Variants in WARS2 observed in about 807,000 individuals in gnomAD.
WARS2 encodes tryptophan--tRNA ligase, mitochondrial.
WARS2 carries 28 observed loss-of-function variants against 36.5 expected under a neutral mutation model. The ratio of observed to expected loss-of-function variants is 0.77; its 90% confidence interval spans 0.57 to 1.05. WARS2 has a LOEUF of 1.05. Ranked by LOEUF, WARS2 falls within the 50% of genes least tolerant of loss-of-function variation. The pLI, the probability that WARS2 is intolerant of heterozygous loss-of-function variation, is 0.00. For synonymous variants in WARS2, 174 were observed against 178.4 expected, an observed-to-expected ratio of 0.98 and a Z score of 0.20; for missense variants, 435 against 456.8, an observed-to-expected ratio of 0.95 and a Z score of 0.44.
intron 1 of WARS2, among the ~76,000 whole-genome samples, chr1:119,087,179 T>C (rs1158559325): frequency 6.6e-6 from 1 of 152,178 alleles, no homozygotes; most frequent in Non-Finnish European, 1.5e-5. Context: ...TTTTATTTGC[T>C]CCATAGATAT....
At chr1:119,071,196 T>G (rs1329181850) in intron 2 of WARS2, among the ~76,000 whole-genome samples, 1 of 152,094 alleles carries the variant, frequency 6.6e-6, no homozygotes, top group African/African-American at 2.4e-5. Flanking sequence ...AGATAATATG[T>G]GTTGGCAAAG....
intron 1 of WARS2, among the ~76,000 whole-genome samples, chr1:119,130,281 ACAGT>A (rs1323068281): frequency 1.3e-5 from 2 of 152,260 alleles, no homozygotes; most frequent in African/African-American, 2.4e-5. Flanking sequence ...ATTGAACTAG[ACAGT>A]CCTTTGAGAC....
At chr1:119,113,617 C>T (rs1330416940) in intron 1 of WARS2, among the ~76,000 whole-genome samples, 2 of 152,032 alleles carry the variant, frequency 1.3e-5, no homozygotes, top group African/African-American at 4.8e-5. Flanking sequence ...AAGGAGATGA[C>T]TGAAGATAAG....
intron 1 of WARS2, chr1:119,086,004 G>A: frequency 6.3e-7 from 1 of 1,585,664 alleles, no homozygotes. Flanking sequence ...AGGCAAGGCA[G>A]TGTGGCACAT....
intron 1 of WARS2, among the ~76,000 whole-genome samples, chr1:119,110,465 C>T (rs1654548248): frequency 6.6e-6 from 1 of 151,866 alleles, no homozygotes; most frequent in Non-Finnish European, 1.5e-5. Flanking sequence ...TCTCTTTTTG[C>T]TTGCGTGGAT....
chr1:119,042,964 G>A (rs1206834142), intron 3 of WARS2, among the ~76,000 whole-genome samples: 1 of 152,244 alleles, frequency 6.6e-6, no homozygotes, highest in East Asian at 1.9e-4. Context: ...GTGACCCAAT[G>A]AGCAGTACAG....
chr1:119,084,375 T>C lies in WARS2; in HGVS notation c.91-7768A>G, dbSNP rs981077207. On this transcript the variant is annotated intron_variant, in intron 1 of 5. Transcript: ENST00000235521. ...AGACAGAGGCGATGGTTACACAACA[T>C]TGTGGATGTTTAGTACCAAATGTCA... 1.2e-4 allele frequency among the ~76,000 whole-genome samples: 19 copies of C among 152,270 alleles called. No homozygotes were observed. The East Asian group carries it at 2.5e-3, about 20-fold the overall frequency.
chr1:119,084,158 C>T (rs587702128), intron 1 of WARS2, among the ~76,000 whole-genome samples: 15 of 144,680 alleles, frequency 1.0e-4, no homozygotes, highest in South Asian at 6.9e-4. Flanking sequence ...TGGGACTAGA[C>T]GCACACACAA....
chr1:119,105,080 G>A (rs886342004), intron 1 of WARS2, among the ~76,000 whole-genome samples: 1 of 152,134 alleles, frequency 6.6e-6, no homozygotes, highest in African/African-American at 2.4e-5. Flanking sequence ...CAGCAGCAGT[G>A]GATTTGATTA....
chr1:119,137,993 G>A (rs1656632613), intron 1 of WARS2, among the ~76,000 whole-genome samples: 1 of 152,160 alleles, frequency 6.6e-6, no homozygotes, highest in South Asian at 2.1e-4. Context: ...GCACTGTTAT[G>A]GCTCATTCAC....
At chr1:119,105,571 A>G (rs1654172750) in intron 1 of WARS2, among the ~76,000 whole-genome samples, 1 of 152,110 alleles carries the variant, frequency 6.6e-6, no homozygotes, top group Non-Finnish European at 1.5e-5. Flanking sequence ...CCAGGGAGGT[A>G]GGAGTAAAAC....
intron 4 of WARS2, among the ~76,000 whole-genome samples, chr1:119,035,386 C>T (rs1647789821): frequency 6.6e-6 from 1 of 152,116 alleles, no homozygotes; most frequent in African/African-American, 2.4e-5. Context: ...CCTTTCTAAG[C>T]CTTCGTTTCC....
intron 1 of WARS2, among the ~76,000 whole-genome samples, chr1:119,123,643 A>G (rs926211978): frequency 6.6e-6 from 1 of 152,146 alleles, no homozygotes; most frequent in African/African-American, 2.4e-5. Context: ...AGTCTATAAA[A>G]CATTTTCCTA....
At position 119,042,289 on chromosome 1, in the gene WARS2, G is replaced by A. The variant is rs1223533209; in HGVS notation, c.490C>T (p.Gln164Ter). 1.2e-6 allele frequency: 2 copies of A among 1,613,864 alleles called. No homozygotes were observed. Among genetic ancestry groups the A allele is most frequent in the Non-Finnish European group, 1.7e-6 (2 of 1,179,938 alleles). Residue 164 changes from glutamine (Q) to a stop codon, truncating the protein, a stop_gained, in exon 4 of 6, where the codon CAG becomes TAG. Transcript: ENST00000235521. LOFTEE classifies it high-confidence loss of function. Reference protein sequence around the residue: ...TVGLLTYPVLQAADILLYKST... With the variant: ...TVGLLTYPVL ...TTGTACAACAGAATGTCGGCTGCCT[G>A]GAGTACTGGGTATGTGAGCAGGCCC...
At chr1:119,062,287 C>CTT (rs1650445714) in intron 2 of WARS2, among the ~76,000 whole-genome samples, 1 of 152,078 alleles carries the variant, frequency 6.6e-6, no homozygotes, top group Non-Finnish European at 1.5e-5. Context: ...TGTTCTATGC[C>CTT]TTTTTAAGTA....
intron 2 of WARS2, among the ~76,000 whole-genome samples, chr1:119,065,158 G>A (rs2101238517): frequency 6.6e-6 from 1 of 152,122 alleles, no homozygotes; most frequent in East Asian, 1.9e-4. Context: ...AAATAATAGT[G>A]AAAATTAGAA....
intron 4 of WARS2, among the ~76,000 whole-genome samples, chr1:119,039,697 T>C (rs1203350007): frequency 6.6e-6 from 1 of 152,200 alleles, no homozygotes; most frequent in Non-Finnish European, 1.5e-5. Flanking sequence ...AATAGTTACA[T>C]AAATCTTTTA....
chr1:119,131,613 C>A (rs940457062), intron 1 of WARS2, among the ~76,000 whole-genome samples: 45 of 152,046 alleles, frequency 3.0e-4, no homozygotes, highest in Non-Finnish European at 1.9e-4. Flanking sequence ...CAGGCGCCCG[C>A]CACCACGCCC....
At chr1:119,050,690 A>G (rs1464803440) in intron 2 of WARS2, among the ~76,000 whole-genome samples, 2 of 152,206 alleles carry the variant, frequency 1.3e-5, no homozygotes, top group African/African-American at 4.8e-5. Context: ...GTGTGTGAAA[A>G]AAAACTGCAA....
Sources: gnomAD v4.1 joint callset for allele counts (sites outside exome capture counted in the v4.1 genomes callset) on GRCh38, gnomAD v4.1.1 for gene constraint, MANE v1.5 for transcripts, NCBI Gene and HGNC (gene_info 2026-07-23, HGNC 2026-07-21) for gene names.